PTPRT: variants seen among roughly 807,000 people sequenced by gnomAD.
PTPRT encodes the protein protein tyrosine phosphatase receptor type T.
A neutral mutation model predicts 176.8 loss-of-function variants in PTPRT; 56 were observed. That is an observed-to-expected ratio of 0.32 (90% CI 0.26 to 0.40). PTPRT has a LOEUF of 0.40. Among genes scored for constraint, PTPRT ranks in the 10% least tolerant of loss-of-function variants. The probability of loss-of-function intolerance (pLI) is 1.00; values close to 1 mark genes in which losing one functional copy is unlikely to be tolerated. For synonymous variants in PTPRT, 783 were observed against 739.0 expected (o/e 1.06, Z -0.96); for missense variants, 1,540 against 1,908.2 (o/e 0.81, Z 3.60).
In PTPRT at chr20:43,120,205, T is replaced by C. The variant is rs114269667; in HGVS notation, c.88+69441A>G. Among the ~76,000 whole-genome samples, 410 of 151,960 alleles carry C rather than the reference T, an allele frequency of 2.7e-3. 2 individuals are homozygous for C. Among genetic ancestry groups the C allele is most frequent in the African/African-American group, 9.7e-3 (402 of 41,458 alleles). Reference sequence around the variant, plus strand: ...AAAATCACAAACTATATCAAATATATAAAGGGTGTTCTGCCATGATGGCCA... The same window carrying C: ...AAAATCACAAACTATATCAAATATACAAAGGGTGTTCTGCCATGATGGCCA... On this transcript the variant is annotated intron_variant, in intron 1 of 30. Transcript: ENST00000373187.
chr20:42,605,077 A>C (rs1303296914), intron 7 of PTPRT, among the ~76,000 whole-genome samples: 8 of 152,192 alleles, frequency 5.3e-5, no homozygotes, highest in Non-Finnish European at 1.2e-4. Context: ...AGTAGAACTC[A>C]TGGAGTGAGG....
intron 1 of PTPRT, among the ~76,000 whole-genome samples, chr20:43,020,118 A>G (rs1194690660): frequency 5.5e-5 from 7 of 126,772 alleles, no homozygotes; most frequent in African/African-American, 2.5e-4. Context: ...GTGTATATAT[A>G]TATATATATA....
intron 24 of PTPRT, among the ~76,000 whole-genome samples, 156 bp from the exon 25 acceptor site, chr20:42,104,874 T>C (rs753323160): frequency 6.6e-5 from 10 of 152,200 alleles, no homozygotes; most frequent in Non-Finnish European, 2.9e-5. Context: ...AAGGGCCAAA[T>C]TTCCATGTTT....
intron 16 of PTPRT, among the ~76,000 whole-genome samples, chr20:42,161,797 T>G (rs2867061): frequency 0.61 from 92,703 of 152,024 alleles, 28,713 homozygotes; most frequent in African/African-American, 0.7. Context: ...TTCCAGGTTG[T>G]TCATCATCCC....
intron 16 of PTPRT, among the ~76,000 whole-genome samples, chr20:42,189,552 T>C (rs1230001341): frequency 6.6e-5 from 10 of 152,176 alleles, no homozygotes; most frequent in African/African-American, 2.2e-4. Context: ...AACCAGGAGA[T>C]GAAAAGTATA....
intron 16 of PTPRT, among the ~76,000 whole-genome samples, chr20:42,169,743 AACACAC>A (rs56329932): frequency 0.011 from 1,193 of 104,600 alleles, 13 homozygotes; most frequent in South Asian, 0.032. Context: ...ACAATTTTCA[AACACAC>A]ACACACACAC....
intron 13 of PTPRT, among the ~76,000 whole-genome samples, chr20:42,249,495 T>C (rs1171633782): frequency 6.6e-6 from 1 of 152,212 alleles, no homozygotes; most frequent in Admixed American, 6.5e-5. Flanking sequence ...CCACTTACTA[T>C]ACATCCTTAG....
In PTPRT at chr20:42,561,240, C is replaced by T. The variant is rs143001074; in HGVS notation, c.1154-88678G>A. ...GAGGCTACCATGAGAAGGTACTAGC[C>T]TCCTTCCACAAACTCAAGAGGAAAG... On this transcript the variant is annotated intron_variant, in intron 7 of 30. Coordinates refer to ENST00000373187, the MANE Select transcript of PTPRT (RefSeq NM_007050.6). Among the ~76,000 whole-genome samples, 16 of 152,312 alleles carry T rather than the reference C, an allele frequency of 1.1e-4. 1 individual carries two copies. The East Asian group carries it at 3.1e-3, about 29-fold the overall frequency.
intron 17 of PTPRT, 101 bp downstream of exon 17, chr20:42,161,251 G>A: frequency 7.3e-7 from 1 of 1,363,502 alleles, no homozygotes; most frequent in Non-Finnish European, 1.0e-6. Context: ...AGGTGATACT[G>A]AGGCTGCTGG....
chr20:42,132,129 G>T (rs1204788627), intron 18 of PTPRT, among the ~76,000 whole-genome samples: 2 of 152,168 alleles, frequency 1.3e-5, no homozygotes, highest in Admixed American at 1.3e-4. Flanking sequence ...GTGGAAAGGT[G>T]CTTTATTATG....
At chr20:42,897,162 G>A (rs1375640090) in intron 1 of PTPRT, among the ~76,000 whole-genome samples, 1 of 151,958 alleles carries the variant, frequency 6.6e-6, no homozygotes, top group Non-Finnish European at 1.5e-5. Flanking sequence ...ATACATTCAT[G>A]GACTCAACAG....
chr20:42,096,163 T>TA (rs1229809641), intron 27 of PTPRT, among the ~76,000 whole-genome samples: 2 of 152,226 alleles, frequency 1.3e-5, no homozygotes, highest in African/African-American at 4.8e-5. Context: ...TAACTACCTT[T>TA]ATTGTCTACA....
intron 9 of PTPRT, among the ~76,000 whole-genome samples, chr20:42,402,559 G>A (rs1003668484): frequency 3.3e-5 from 5 of 150,814 alleles, no homozygotes; most frequent in African/African-American, 9.8e-5. Flanking sequence ...GTTCTGAAAG[G>A]CATTGAGACT....
At chr20:42,836,739 G>A (rs1331126800) in intron 2 of PTPRT, among the ~76,000 whole-genome samples, 1 of 152,154 alleles carries the variant, frequency 6.6e-6, no homozygotes, top group East Asian at 1.9e-4. Flanking sequence ...CATAAAACTG[G>A]AACAACAAGG....
At chr20:42,097,307 C>A (rs892007459) in intron 27 of PTPRT, among the ~76,000 whole-genome samples, 1 of 152,188 alleles carries the variant, frequency 6.6e-6, no homozygotes, top group Non-Finnish European at 1.5e-5. Flanking sequence ...TAGGTCCCAG[C>A]CACACTGGAA....
chr20:42,117,587 G>A lies in PTPRT; in HGVS notation c.2982+816C>T, dbSNP rs564012347. ...GGGGAAGAAGAGCGGGTAGCAAAGG[G>A]TTGGATGCTGCTGAGATTGAGTAAG... On this transcript the variant is annotated intron_variant, in intron 21 of 30. Transcript: ENST00000373187. Among the ~76,000 whole-genome samples, 13 of 152,250 alleles carry A rather than the reference G, an allele frequency of 8.5e-5. No homozygotes were observed. In the East Asian group the frequency reaches 2.5e-3, roughly 29 times the overall value.
chr20:42,789,180 T>C (rs996726311), intron 3 of PTPRT, among the ~76,000 whole-genome samples: 7 of 152,230 alleles, frequency 4.6e-5, no homozygotes, highest in African/African-American at 1.7e-4. Flanking sequence ...GACTGAATTA[T>C]AAAGATTGAC....
intron 11 of PTPRT, among the ~76,000 whole-genome samples, chr20:42,318,659 C>T (rs1033168758): frequency 6.6e-6 from 1 of 152,200 alleles, no homozygotes; most frequent in Non-Finnish European, 1.5e-5. Flanking sequence ...TCCCCAGGAC[C>T]AGGAGTTGGA....
chr20:42,342,780 T>G lies in PTPRT; in HGVS notation c.1865+7848A>C, dbSNP rs571885377. Among the ~76,000 whole-genome samples the G allele has an allele frequency of 4.2e-4, 64 of 152,318 alleles. No individual in the cohort carries two copies. The South Asian group carries it at 0.013, about 32-fold the overall frequency. Reference sequence around the variant, plus strand: ...TGTGCTCCCACTCTGGGCTTCACAGTTATTAAAGGAATCCTGAAGGAAATC... The same window carrying G: ...TGTGCTCCCACTCTGGGCTTCACAGGTATTAAAGGAATCCTGAAGGAAATC... On this transcript the variant is annotated intron_variant, in intron 11 of 30. Transcript: ENST00000373187.
Sources: allele counts gnomAD v4.1 joint callset (sites outside exome capture counted in the v4.1 genomes callset), GRCh38; gene constraint gnomAD v4.1.1; transcripts MANE v1.5; gene names NCBI Gene and HGNC (gene_info 2026-07-23, HGNC 2026-07-21).